The following CADM2 variants were observed in gnomAD, a reference collection of about 807,000 sequenced individuals.
CADM2 encodes the protein immunoglobulin superfamily member 4D.
In CADM2, 12 loss-of-function variants were observed where a neutral mutation model predicts 49.8. The ratio of observed to expected loss-of-function variants is 0.24; its 90% CI spans 0.15 to 0.39. The LOEUF (loss-of-function observed/expected upper bound fraction) is 0.39. Ranked by LOEUF, CADM2 falls within the 10% of genes least tolerant of loss-of-function variation. CADM2 has a pLI of 1.00. For missense variants in CADM2, 378 were observed against 492.3 expected, an observed-to-expected ratio of 0.77 and a Z score of 2.20; for synonymous variants, 214 against 175.4, an observed-to-expected ratio of 1.22 and a Z score of -1.74.
At chr3:85,872,841 G>A (rs1347723391) in intron 3 of CADM2, among the ~76,000 whole-genome samples, 5 of 151,748 alleles carry the variant, frequency 3.3e-5, no homozygotes, top group Non-Finnish European at 5.9e-5. Flanking sequence ...GCTGTCTCTC[G>A]TTTTTACACT....
chr3:86,046,370 A>G (rs1736689148), intron 8 of CADM2, among the ~76,000 whole-genome samples: 1 of 152,314 alleles, frequency 6.6e-6, no homozygotes, highest in South Asian at 2.1e-4. Context: ...GGATCTTAAA[A>G]GTTGATAATC....
chr3:85,546,707 G>T (rs1551047), intron 1 of CADM2, among the ~76,000 whole-genome samples: 77,911 of 151,952 alleles, frequency 0.51, 23,055 homozygotes, highest in East Asian at 0.85. Context: ...CATTGATAAG[G>T]TGATTTCCCT....
chr3:85,261,216 A>C (rs941511852), intron 1 of CADM2, among the ~76,000 whole-genome samples: 2 of 152,130 alleles, frequency 1.3e-5, no homozygotes, highest in African/African-American at 2.4e-5. Flanking sequence ...GGCTCATTGC[A>C]ACCTCTGCCG....
chr3:85,351,586 G>A (rs1439934919), intron 1 of CADM2, among the ~76,000 whole-genome samples: 1 of 152,084 alleles, frequency 6.6e-6, no homozygotes, highest in Non-Finnish European at 1.5e-5. Flanking sequence ...AAAGCTGCCT[G>A]CATAAGACCT....
intron 3 of CADM2, among the ~76,000 whole-genome samples, chr3:85,808,445 G>C (rs1346207532): frequency 6.6e-6 from 1 of 151,214 alleles, no homozygotes; most frequent in South Asian, 2.1e-4. Context: ...ATTGGCAATG[G>C]AAAAAAAAAT....
At chr3:85,300,363 T>C (rs1156407226) in intron 1 of CADM2, among the ~76,000 whole-genome samples, 4 of 152,292 alleles carry the variant, frequency 2.6e-5, no homozygotes, top group Admixed American at 1.3e-4. Context: ...TTCTATTTTT[T>C]GTGTTACAAT....
At chr3:86,008,945 T>G (rs928303209) in intron 8 of CADM2, among the ~76,000 whole-genome samples, 2 of 151,488 alleles carry the variant, frequency 1.3e-5, no homozygotes, top group African/African-American at 4.8e-5. Flanking sequence ...GTTCTCTTTT[T>G]CTATGAGAAA....
At position 85,516,680 on chromosome 3, in the gene CADM2, G is replaced by A. The variant is rs565545417; in HGVS notation, c.62-209842G>A. On this transcript the variant is annotated intron_variant, in intron 1 of 9. Transcript: ENST00000383699. ...AGATGACATGAAACATGTTCTCAAC[G>A]TCACAATCCAATTATAGGTCTATTA... 6.0e-4 allele frequency among the ~76,000 whole-genome samples: 91 copies of A among 151,980 alleles called. No homozygotes were observed. The South Asian group carries it at 0.018, about 29-fold the overall frequency.
In CADM2 at chr3:85,287,353, G is replaced by T. The variant is rs548013533; in HGVS notation, c.61+327685G>T. On this transcript the variant is annotated intron_variant, in intron 1 of 9. Coordinates refer to ENST00000383699, the MANE Select transcript of CADM2 (RefSeq NM_001167675.2). ...TTTTTCTTTGAATATATGTAAACTG[G>T]TTTTTAATCATAAAAGAAATATTAC... Among the ~76,000 whole-genome samples the T allele has an allele frequency of 6.9e-4, 104 of 151,740 alleles. 1 individual carries two copies. Among genetic ancestry groups the T allele is most frequent in the South Asian group, 1.7e-3 (8 of 4,788 alleles).
chr3:85,161,744 G>A (rs955443500), intron 1 of CADM2, among the ~76,000 whole-genome samples: 1 of 152,116 alleles, frequency 6.6e-6, no homozygotes, highest in Non-Finnish European at 1.5e-5. Context: ...AAGGCTGGGT[G>A]CGGTGACTCA....
At chr3:85,673,821 T>C (rs948713921) in intron 1 of CADM2, among the ~76,000 whole-genome samples, 3 of 152,180 alleles carry the variant, frequency 2.0e-5, no homozygotes, top group Non-Finnish European at 4.4e-5. Flanking sequence ...TTTGGGAGCA[T>C]GAGAATTTGT....
intron 8 of CADM2, among the ~76,000 whole-genome samples, chr3:86,021,898 A>C (rs778331330): frequency 1.9e-4 from 29 of 152,156 alleles, no homozygotes; most frequent in Non-Finnish European, 3.4e-4. Context: ...AAGTCTAGAG[A>C]TCTAATACAC....
At chr3:85,437,317 G>T (rs768602326) in intron 1 of CADM2, among the ~76,000 whole-genome samples, 14 of 152,136 alleles carry the variant, frequency 9.2e-5, no homozygotes, top group Admixed American at 2.0e-4. Context: ...GTAAACAGCT[G>T]TGTGCAAGTT....
intron 1 of CADM2, among the ~76,000 whole-genome samples, chr3:85,396,961 A>G (rs560315736): frequency 2.6e-5 from 4 of 152,218 alleles, no homozygotes; most frequent in African/African-American, 9.6e-5. Flanking sequence ...TATAAGCAGA[A>G]TGAAAGTACA....
At chr3:85,318,606 A>T (rs1181206495) in intron 1 of CADM2, among the ~76,000 whole-genome samples, 1 of 152,204 alleles carries the variant, frequency 6.6e-6, no homozygotes, top group Non-Finnish European at 1.5e-5. Flanking sequence ...GACAAAAGAT[A>T]ACATAGTACC....
chr3:86,039,322 T>A (rs1435166883), intron 8 of CADM2, among the ~76,000 whole-genome samples: 1 of 138,462 alleles, frequency 7.2e-6, no homozygotes, highest in Non-Finnish European at 1.7e-5. Flanking sequence ...TCAAAGAAAT[T>A]CCCTTTCCTA....
At chr3:85,479,398 C>G (rs750135681) in intron 1 of CADM2, among the ~76,000 whole-genome samples, 1 of 151,500 alleles carries the variant, frequency 6.6e-6, no homozygotes, top group African/African-American at 2.4e-5. Context: ...GTTAACTGCT[C>G]CATGTAATTG....
intron 1 of CADM2, among the ~76,000 whole-genome samples, chr3:85,660,769 C>A (rs1331034228): frequency 6.6e-6 from 1 of 151,982 alleles, no homozygotes; most frequent in Non-Finnish European, 1.5e-5. Context: ...ACATCATGGA[C>A]AGATAGACTT....
At chr3:85,774,215 A>C (rs767823243) in intron 2 of CADM2, among the ~76,000 whole-genome samples, 1 of 151,866 alleles carries the variant, frequency 6.6e-6, no homozygotes, top group African/African-American at 2.4e-5. Flanking sequence ...ACAGTTGTAC[A>C]GTCTCCTGGT....
Sources: allele counts gnomAD v4.1 joint callset (sites outside exome capture counted in the v4.1 genomes callset), GRCh38; gene constraint gnomAD v4.1.1; transcripts MANE v1.5; gene names NCBI Gene and HGNC (gene_info 2026-07-23, HGNC 2026-07-21).